Variants in METTL15 observed in about 807,000 individuals in gnomAD.
METTL15 encodes the protein methyltransferase 15, mitochondrial 12S rRNA N4-cytidine.
In METTL15, 34 loss-of-function variants were observed where a neutral mutation model predicts 38.3. The ratio of observed to expected loss-of-function variants is 0.89; its 90% CI spans 0.68 to 1.18. The LOEUF is 1.18. Ranked by LOEUF, METTL15 falls within the 50% of genes most tolerant of loss-of-function variation. The pLI, the probability that METTL15 is intolerant of heterozygous loss-of-function variation, is 0.00. For synonymous variants in METTL15, 162 were observed against 170.9 expected (o/e 0.95, Z 0.41); for missense variants, 438 against 498.4 (o/e 0.88, Z 1.15).
intron 3 of METTL15, among the ~76,000 whole-genome samples, chr11:28,164,612 A>G (rs1448936367): frequency 2.0e-5 from 3 of 152,100 alleles, no homozygotes; most frequent in Non-Finnish European, 4.4e-5. Flanking sequence ...GCATATGTAC[A>G]ATACGGAATG....
intron 3 of METTL15, among the ~76,000 whole-genome samples, chr11:28,140,737 C>T (rs11030223): frequency 0.46 from 70,057 of 152,032 alleles, 17,780 homozygotes; most frequent in Admixed American, 0.56. Context: ...CTGGTTGCCC[C>T]CTTCACAGTT....
chr11:28,133,686 G>T (rs1165001179), intron 3 of METTL15, among the ~76,000 whole-genome samples: 1 of 152,110 alleles, frequency 6.6e-6, no homozygotes, highest in Non-Finnish European at 1.5e-5. Flanking sequence ...CCATGGAGAG[G>T]CCTATGTAGA....
chr11:28,348,680 TTATGTATGTATGTATGTATGTATG>T (rs55889001), intron 3 of METTL15, among the ~76,000 whole-genome samples: 2 of 145,892 alleles, frequency 1.4e-5, no homozygotes, highest in East Asian at 2.0e-4. Context: ...GTCTATCCAT[TTATGTATGTATGTATGTATGTATG>T]TATGTATGTA....
At chr11:28,488,800 C>T (rs1043842246) in intron 6 of METTL15, among the ~76,000 whole-genome samples, 1 of 152,090 alleles carries the variant, frequency 6.6e-6, no homozygotes, top group Non-Finnish European at 1.5e-5. Context: ...TGTGAACCTT[C>T]CTAGACCTGC....
chr11:28,449,764 G>A (rs375440508), intron 6 of METTL15, among the ~76,000 whole-genome samples: 1 of 152,134 alleles, frequency 6.6e-6, no homozygotes, highest in Non-Finnish European at 1.5e-5. Flanking sequence ...TGCTGTGTAA[G>A]AAGTCTGACT....
At chr11:28,422,221 A>G (rs1327058216) in intron 5 of METTL15, among the ~76,000 whole-genome samples, 2 of 152,054 alleles carry the variant, frequency 1.3e-5, no homozygotes, top group African/African-American at 4.8e-5. Context: ...TTACATGTTT[A>G]TGGATTGGAA....
intron 4 of METTL15, among the ~76,000 whole-genome samples, chr11:28,279,993 G>A (rs1360884703): frequency 1.3e-5 from 2 of 151,024 alleles, no homozygotes; most frequent in Non-Finnish European, 2.9e-5. Context: ...CAAGGACCTT[G>A]GATCATGTTA....
At position 28,362,028 on chromosome 11, in the gene METTL15, A is replaced by G. The variant is rs991189344; in HGVS notation, c.*350A>G. On this transcript the variant is annotated 3_prime_UTR_variant and NMD_transcript_variant, in exon 5 of 8. Transcript: ENST00000532947. ...AAACAACGTGGATGGCCTTCAAAGAAAAATGGAGGTAGCATTTTCATTTAT... is the reference window on the plus strand; with the variant it reads ...AAACAACGTGGATGGCCTTCAAAGAGAAATGGAGGTAGCATTTTCATTTAT... The G allele has an allele frequency of 3.3e-5, 5 of 152,312 alleles. No individual in the cohort carries two copies. In the South Asian group the frequency reaches 1.0e-3, roughly 32 times the overall value. 9.4% of individuals were successfully genotyped at this position (152,312 alleles called of 1,614,324 possible).
chr11:28,484,847 A>C (rs567039042), intron 6 of METTL15, among the ~76,000 whole-genome samples: 27 of 149,710 alleles, frequency 1.8e-4, no homozygotes, highest in African/African-American at 6.3e-4. Context: ...AAGGGTTTCT[A>C]AACAGTCTGG....
At chr11:28,176,573 A>G (rs778965522) in intron 3 of METTL15, among the ~76,000 whole-genome samples, 1 of 152,292 alleles carries the variant, frequency 6.6e-6, no homozygotes, top group South Asian at 2.1e-4. Flanking sequence ...GTGGTACCTA[A>G]TAAGTATTTC....
chr11:28,178,946 T>TCTGTACTC (rs1851179711), intron 3 of METTL15, among the ~76,000 whole-genome samples: 1 of 151,854 alleles, frequency 6.6e-6, no homozygotes, highest in South Asian at 2.1e-4. Context: ...GGGTAGACTT[T>TCTGTACTC]CTGTACTCCA....
chr11:28,490,878 G>T (rs1252858491), intron 6 of METTL15, among the ~76,000 whole-genome samples: 2 of 152,118 alleles, frequency 1.3e-5, no homozygotes, highest in Non-Finnish European at 1.5e-5. Context: ...ATTATTTGGG[G>T]CATTGTATAA....
At chr11:28,287,439 C>G (rs1409364769) in intron 4 of METTL15, 2 of 422,418 alleles carry the variant, frequency 4.7e-6, no homozygotes, top group Non-Finnish European at 9.4e-6. Flanking sequence ...CTGTGAGGTT[C>G]ACAACAATTT....
chr11:28,328,311 A>T (rs890894550), intron 6 of METTL15: 3 of 672,828 alleles, frequency 4.5e-6, no homozygotes, highest in Non-Finnish European at 7.1e-6. Context: ...CATCACACTG[A>T]TTTGGTTTAC....
chr11:28,462,208 A>C (rs1185788573), intron 6 of METTL15, among the ~76,000 whole-genome samples: 1 of 152,080 alleles, frequency 6.6e-6, no homozygotes, highest in East Asian at 1.9e-4. Context: ...ATACTTTAAT[A>C]ATGAATTGGA....
chr11:28,353,953 A>G (rs951135589), intron 4 of METTL15, among the ~76,000 whole-genome samples: 1 of 150,976 alleles, frequency 6.6e-6, no homozygotes, highest in African/African-American at 2.4e-5. Flanking sequence ...AAAAAAAAAA[A>G]GGTGTCAAGC....
chr11:28,385,013 A>T (rs902718897), intron 5 of METTL15, among the ~76,000 whole-genome samples: 3 of 152,072 alleles, frequency 2.0e-5, no homozygotes, highest in Non-Finnish European at 4.4e-5. Context: ...TTGTACATTT[A>T]TTTAAGTTCC....
At chr11:28,455,085 C>T (rs930237654) in intron 6 of METTL15, among the ~76,000 whole-genome samples, 3 of 152,116 alleles carry the variant, frequency 2.0e-5, no homozygotes, top group African/African-American at 7.2e-5. Context: ...CTGAATCCTC[C>T]CATATGTATC....
chr11:28,377,856 G>C (rs992179050), intron 5 of METTL15, among the ~76,000 whole-genome samples: 6 of 151,634 alleles, frequency 4.0e-5, no homozygotes, highest in Non-Finnish European at 7.4e-5. Flanking sequence ...CTTTCTGTTT[G>C]TTAGTTTTCC....
Sources: allele counts gnomAD v4.1 joint callset (sites outside exome capture counted in the v4.1 genomes callset), GRCh38; gene constraint gnomAD v4.1.1; transcripts MANE v1.5; gene names NCBI Gene and HGNC (gene_info 2026-07-23, HGNC 2026-07-21).